FOXP1: variants seen among roughly 807,000 people sequenced by gnomAD.
FOXP1 encodes forkhead box protein P1.
FOXP1 carries 15 observed loss-of-function variants against 98.2 expected under a neutral mutation model. That is an observed-to-expected ratio of 0.15 (90% CI 0.10 to 0.24). The LOEUF is 0.24. FOXP1 is among the 10% of genes least tolerant of loss of function. FOXP1 has a pLI of 1.00. For synonymous variants in FOXP1, 371 were observed against 314.5 expected, an observed-to-expected ratio of 1.18 and a Z score of -1.90; for missense variants, 633 against 848.5, an observed-to-expected ratio of 0.75 and a Z score of 3.15.
At chr3:70,965,315 T>G (rs1320382778) in intron 20 of FOXP1, among the ~76,000 whole-genome samples, 5 of 152,320 alleles carry the variant, frequency 3.3e-5, no homozygotes, top group South Asian at 4.1e-4. Context: ...CCATCGCCCA[T>G]CACTTCATTC....
intron 7 of FOXP1, among the ~76,000 whole-genome samples, chr3:71,057,470 A>C (rs966592500): frequency 8.0e-6 from 1 of 124,474 alleles, no homozygotes; most frequent in African/African-American, 2.9e-5. Flanking sequence ...AATATAAGGC[A>C]AAAAAAAAAA....
chr3:71,270,454 G>A (rs1466663948), intron 5 of FOXP1, among the ~76,000 whole-genome samples: 1 of 152,192 alleles, frequency 6.6e-6, no homozygotes, highest in Non-Finnish European at 1.5e-5. Flanking sequence ...AGGAATGGAG[G>A]AGGAGAGTAA....
intron 2 of FOXP1, among the ~76,000 whole-genome samples, chr3:71,518,942 C>T (rs1168401159): frequency 1.3e-5 from 2 of 152,186 alleles, no homozygotes; most frequent in Non-Finnish European, 2.9e-5. Context: ...GGTTACATAG[C>T]AGGGGATAAA....
chr3:71,211,925 C>T (rs184132123), intron 5 of FOXP1, among the ~76,000 whole-genome samples: 1 of 152,286 alleles, frequency 6.6e-6, no homozygotes, highest in African/African-American at 2.4e-5. Context: ...CTTTGTATCA[C>T]TTCTTCAAAT....
Position 70,955,113 on chromosome 3 carries a change from G to T in FOXP1, c.*4134C>A, listed in dbSNP as rs937887957. ...CAGGAGGCTATGTCATTAACCAAAAGGTACCAAAAAGATTCAAAATCTGAA... is the reference window on the plus strand; with the variant it reads ...CAGGAGGCTATGTCATTAACCAAAATGTACCAAAAAGATTCAAAATCTGAA... On this transcript the variant is annotated 3_prime_UTR_variant, in exon 21 of 21. Coordinates refer to ENST00000649528, the MANE Select transcript of FOXP1 (RefSeq NM_001349338.3). 2.6e-5 allele frequency: 6 copies of T among 231,912 alleles called. No homozygotes were observed. The highest frequency in any genetic ancestry group is 1.1e-4 in the African/African-American group (5 of 45,166). The allele number at this position is 231,912 out of a possible 1,614,324, so 14.4% of individuals were successfully genotyped here.
At chr3:71,073,102 T>C (rs988655716) in intron 7 of FOXP1, among the ~76,000 whole-genome samples, 6 of 151,982 alleles carry the variant, frequency 3.9e-5, no homozygotes, top group African/African-American at 1.5e-4. Flanking sequence ...AATAAGGCAT[T>C]GTGTGTTTGA....
intron 6 of FOXP1, among the ~76,000 whole-genome samples, chr3:71,194,250 C>A (rs1382973531): frequency 1.1e-4 from 16 of 142,632 alleles, no homozygotes; most frequent in Admixed American, 3.5e-4. Flanking sequence ...AATAAAACTG[C>A]CAGGTGGTAC....
rs575016341 is a variant in FOXP1, at chr3:71,442,847, G to A, written c.-168+50579C>T. Among the ~76,000 whole-genome samples the A allele has an allele frequency of 2.6e-5, 4 of 151,994 alleles. No homozygotes were observed. In the South Asian group the frequency reaches 8.3e-4, roughly 32 times the overall value. On this transcript the variant is annotated intron_variant, in intron 3 of 20. Coordinates refer to ENST00000649528, the MANE Select transcript of FOXP1 (RefSeq NM_001349338.3). ...GACTTAATCTGAATCTCTGAGGGTG[G>A]GGCTCCAGCACCTGCAGTTTTTATT... is the stretch of plus-strand genomic sequence containing the variant.
chr3:71,427,989 C>G (rs555017537), intron 3 of FOXP1, among the ~76,000 whole-genome samples: 61 of 152,286 alleles, frequency 4.0e-4, no homozygotes, highest in Middle Eastern at 3.4e-3. Context: ...AGGGCTATCT[C>G]AGAGTCCTCT....
chr3:71,264,434 G>A (rs1295168192), intron 5 of FOXP1, among the ~76,000 whole-genome samples: 1 of 152,198 alleles, frequency 6.6e-6, no homozygotes, highest in Non-Finnish European at 1.5e-5. Flanking sequence ...GCACTCAAAT[G>A]AGGATGAGAA....
In FOXP1 at chr3:71,107,194, G is replaced by A. The variant is rs181428288; in HGVS notation, c.282+5342C>T. ...TGAAGTTGAAATAACAAAAACGAAC[G>A]AACTCATTATATTACAACTTGCACC... On this transcript the variant is annotated intron_variant, in intron 7 of 20. Coordinates refer to ENST00000649528, the MANE Select transcript of FOXP1 (RefSeq NM_001349338.3). Among the ~76,000 whole-genome samples the A allele has an allele frequency of 2.6e-4, 39 of 152,232 alleles. No homozygotes were observed. The East Asian group carries it at 6.6e-3, about 26-fold the overall frequency.
intron 3 of FOXP1, among the ~76,000 whole-genome samples, chr3:71,450,321 T>A (rs573896462): frequency 3.3e-5 from 5 of 152,336 alleles, no homozygotes; most frequent in African/African-American, 1.2e-4. Flanking sequence ...ACAGAAACTC[T>A]ACATACTGAT....
At chr3:71,054,124 C>A (rs1023133515) in intron 7 of FOXP1, among the ~76,000 whole-genome samples, 1 of 152,184 alleles carries the variant, frequency 6.6e-6, no homozygotes, top group Non-Finnish European at 1.5e-5. Context: ...TTAACCCAGA[C>A]TTGAATTTTG....
At chr3:71,018,696 C>T (rs977399703) in intron 11 of FOXP1, among the ~76,000 whole-genome samples, 3 of 152,130 alleles carry the variant, frequency 2.0e-5, no homozygotes, top group East Asian at 1.9e-4. Context: ...AGAGGTGCCT[C>T]GATAGCATCT....
At chr3:71,141,336 C>T (rs1246704938) in intron 6 of FOXP1, among the ~76,000 whole-genome samples, 2 of 150,938 alleles carry the variant, frequency 1.3e-5, no homozygotes, top group Non-Finnish European at 2.9e-5. Context: ...AAACTCATCA[C>T]ACGCCTCCTT....
chr3:71,339,444 A>G (rs546967833), intron 4 of FOXP1, among the ~76,000 whole-genome samples: 3 of 152,372 alleles, frequency 2.0e-5, no homozygotes, highest in Non-Finnish European at 2.9e-5. Context: ...GGAAGACTGT[A>G]TAATTACTAG....
intron 6 of FOXP1, among the ~76,000 whole-genome samples, chr3:71,161,381 C>T (rs1428017150): frequency 2.0e-5 from 3 of 152,110 alleles, no homozygotes; most frequent in Admixed American, 6.5e-5. Context: ...TCTTTCTCAT[C>T]CTCCCTCCTC....
intron 5 of FOXP1, among the ~76,000 whole-genome samples, chr3:71,281,576 G>A (rs1439483212): frequency 6.6e-6 from 1 of 152,206 alleles, no homozygotes; most frequent in African/African-American, 2.4e-5. Flanking sequence ...AACGCAAAGT[G>A]CTCTCAGGCC....
Position 71,208,536 on chromosome 3 carries a change from T to TTCTGTG in FOXP1, c.-11-10145_-11-10144insCACAGA, listed in dbSNP as rs10529764. 2.1e-3 allele frequency among the ~76,000 whole-genome samples: 315 copies of TTCTGTG among 149,396 alleles called. 3 individuals carry two copies. The highest frequency in any genetic ancestry group is 7.0e-3 in the East Asian group (35 of 5,026). On this transcript the variant is annotated intron_variant, in intron 5 of 20. Transcript: ENST00000649528. Reference sequence around the variant, plus strand: ...TTTATCAAAATTCTAGCATTTAAGTTTGTGTGTGTGTGTGTGTGTGTGTGT... The same window carrying TTCTGTG: ...TTTATCAAAATTCTAGCATTTAAGTTTCTGTGTGTGTGTGTGTGTGTGTGTGTGTGT...
Sources: allele counts gnomAD v4.1 joint callset (sites outside exome capture counted in the v4.1 genomes callset), GRCh38; gene constraint gnomAD v4.1.1; transcripts MANE v1.5; gene names NCBI Gene and HGNC (gene_info 2026-07-23, HGNC 2026-07-21).